Variants in MACROD2 observed in about 807,000 individuals in gnomAD.
MACROD2 encodes the protein mono-ADP ribosylhydrolase 2.
In MACROD2, 36 loss-of-function variants were observed where a neutral mutation model predicts 70.4. The ratio of observed to expected loss-of-function variants is 0.51; its 90% CI spans 0.39 to 0.68. The LOEUF (loss-of-function observed/expected upper bound fraction) is 0.68. Among genes scored for constraint, MACROD2 ranks in the 30% least tolerant of loss-of-function variants. MACROD2 has a pLI of 0.00. For synonymous variants in MACROD2, 172 were observed against 178.8 expected, an observed-to-expected ratio of 0.96 and a Z score of 0.30; for missense variants, 496 against 538.4, an observed-to-expected ratio of 0.92 and a Z score of 0.78.
chr20:14,222,059 A>G (rs1306622903), intron 3 of MACROD2, among the ~76,000 whole-genome samples: 1 of 152,234 alleles, frequency 6.6e-6, no homozygotes, highest in Non-Finnish European at 1.5e-5. Context: ...TGCAACCTCT[A>G]TGGAAATCAG....
At chr20:15,656,673 A>G (rs1439380417) in intron 8 of MACROD2, among the ~76,000 whole-genome samples, 1 of 152,216 alleles carries the variant, frequency 6.6e-6, no homozygotes, top group Non-Finnish European at 1.5e-5. Context: ...CTCTGTGTGA[A>G]AGCTAAACAG....
At chr20:15,580,695 A>C (rs1235090189) in intron 8 of MACROD2, among the ~76,000 whole-genome samples, 2 of 152,230 alleles carry the variant, frequency 1.3e-5, no homozygotes, top group Admixed American at 6.5e-5. Flanking sequence ...GACAAAAGGC[A>C]GATTAATAGG....
chr20:15,440,144 T>C (rs2146373000), intron 7 of MACROD2, among the ~76,000 whole-genome samples: 1 of 152,274 alleles, frequency 6.6e-6, no homozygotes, highest in South Asian at 2.1e-4. Flanking sequence ...TTAACAGAAA[T>C]CGACTCCTGG....
chr20:14,800,059 C>T (rs965761643), intron 5 of MACROD2, among the ~76,000 whole-genome samples: 14 of 138,790 alleles, frequency 1.0e-4, no homozygotes, highest in African/African-American at 1.4e-4. Context: ...TGTTCCATCA[C>T]GACCACCTTT....
chr20:15,976,532 G>C (rs1235353765), intron 13 of MACROD2, among the ~76,000 whole-genome samples: 2 of 152,214 alleles, frequency 1.3e-5, no homozygotes, highest in Non-Finnish European at 2.9e-5. Flanking sequence ...AAAGCAGGAT[G>C]GAATGTGAAA....
chr20:14,988,684 G>T (rs1049616558), intron 5 of MACROD2, among the ~76,000 whole-genome samples: 1 of 152,140 alleles, frequency 6.6e-6, no homozygotes, highest in African/African-American at 2.4e-5. Context: ...TCTGGCATTC[G>T]CACTGACCAT....
chr20:14,323,812 A>G (rs1019213185), intron 3 of MACROD2: 10 of 152,216 alleles, frequency 6.6e-5, no homozygotes, highest in African/African-American at 2.2e-4. Flanking sequence ...CTATTTTAAA[A>G]AAACAGTTTT....
chr20:14,351,126 G>A (rs1031581361), intron 3 of MACROD2, among the ~76,000 whole-genome samples: 1 of 152,178 alleles, frequency 6.6e-6, no homozygotes, highest in Non-Finnish European at 1.5e-5. Context: ...TTTTATGCCA[G>A]TACCATGCTG....
intron 3 of MACROD2, among the ~76,000 whole-genome samples, chr20:14,189,762 A>G (rs1184046328): frequency 6.6e-6 from 1 of 152,230 alleles, no homozygotes; most frequent in Non-Finnish European, 1.5e-5. Context: ...CATGAATGTC[A>G]GATCTCTCAA....
intron 4 of MACROD2, among the ~76,000 whole-genome samples, chr20:14,665,333 T>C (rs889749224): frequency 1.9e-4 from 26 of 140,288 alleles, no homozygotes; most frequent in Non-Finnish European, 2.2e-4. Flanking sequence ...TCAAGAACAG[T>C]TTTTTTTTTT....
At chr20:14,859,813 G>A (rs1407049564) in intron 5 of MACROD2, among the ~76,000 whole-genome samples, 1 of 152,138 alleles carries the variant, frequency 6.6e-6, no homozygotes, top group Admixed American at 6.5e-5. Flanking sequence ...GCTATGGTCT[G>A]TGGTTTGCAA....
chr20:15,992,682 A>T (rs2066574006), intron 15 of MACROD2, among the ~76,000 whole-genome samples: 1 of 152,096 alleles, frequency 6.6e-6, no homozygotes, highest in Non-Finnish European at 1.5e-5. Flanking sequence ...GCACTTCCTA[A>T]CACTCCAGTT....
chr20:15,987,913 T>C (rs1371883751), intron 15 of MACROD2, among the ~76,000 whole-genome samples: 1 of 152,198 alleles, frequency 6.6e-6, no homozygotes, highest in Non-Finnish European at 1.5e-5. Context: ...TAAATCATAC[T>C]GCTCTTAAAT....
intron 9 of MACROD2, among the ~76,000 whole-genome samples, chr20:15,874,439 G>A (rs1024936761): frequency 2.6e-5 from 4 of 151,998 alleles, no homozygotes; most frequent in Non-Finnish European, 5.9e-5. Context: ...CAGTAGTGGG[G>A]TGGCTGGGTC....
intron 5 of MACROD2, among the ~76,000 whole-genome samples, chr20:14,854,733 T>C (rs555123285): frequency 2.0e-4 from 30 of 152,132 alleles, no homozygotes; most frequent in African/African-American, 7.0e-4. Flanking sequence ...AAAAGACAAA[T>C]GGGCCGGGCA....
At chr20:14,799,370 C>T (rs2072547036) in intron 5 of MACROD2, among the ~76,000 whole-genome samples, 1 of 152,018 alleles carries the variant, frequency 6.6e-6, no homozygotes, top group African/African-American at 2.4e-5. Context: ...CCTTTTTAAA[C>T]AGGAGCTAAA....
Position 15,987,055 on chromosome 20 carries a change from A to T in MACROD2, c.1061-11A>T. 1 of 1,603,368 alleles carries T rather than the reference A, an allele frequency of 6.2e-7. No homozygotes were observed. The highest frequency in any genetic ancestry group is 2.2e-5 in the East Asian group (1 of 44,786). ...ACAACCCTGAGTGTCCATCTGTCTC[A>T]TTCTATTTAGAACTTTCATCAAACC... is the stretch of plus-strand genomic sequence containing the variant. On this transcript the variant is annotated splice_polypyrimidine_tract_variant and intron_variant, in intron 14 of 17. Transcript: ENST00000684519.
At chr20:15,310,398 G>A (rs2077739504) in intron 6 of MACROD2, among the ~76,000 whole-genome samples, 1 of 152,004 alleles carries the variant, frequency 6.6e-6, no homozygotes. Context: ...TTTGCTTGAA[G>A]CTCCAAAAGT....
chr20:15,452,904 T>C (rs1280451087), intron 7 of MACROD2, among the ~76,000 whole-genome samples: 1 of 152,212 alleles, frequency 6.6e-6, no homozygotes, highest in Non-Finnish European at 1.5e-5. Flanking sequence ...ATTTAAAACA[T>C]TTCTCATCTC....
Sources: allele counts gnomAD v4.1 joint callset (sites outside exome capture counted in the v4.1 genomes callset), GRCh38; gene constraint gnomAD v4.1.1; transcripts MANE v1.5; gene names NCBI Gene and HGNC (gene_info 2026-07-23, HGNC 2026-07-21).